GRIN2A: variants seen among roughly 807,000 people sequenced by gnomAD.
GRIN2A encodes glutamate receptor ionotropic, NMDA 2A.
GRIN2A carries 22 observed loss-of-function variants against 113.4 expected under a neutral mutation model. The observed-to-expected ratio is 0.19, with a 90% CI of 0.14 to 0.28. GRIN2A has a LOEUF of 0.28. Among genes scored for constraint, GRIN2A ranks in the 10% least tolerant of loss-of-function variants. GRIN2A has a pLI of 1.00. For synonymous variants in GRIN2A, 827 were observed against 738.4 expected (o/e 1.12, Z -1.94); for missense variants, 1,502 against 1,887.0 (o/e 0.80, Z 3.78).
At chr16:9,867,394 G>A (rs562720079) in intron 4 of GRIN2A, among the ~76,000 whole-genome samples, 4 of 152,194 alleles carry the variant, frequency 2.6e-5, no homozygotes, top group South Asian at 2.1e-4. Context: ...TGATGAATCT[G>A]CCTCTTATTT....
intron 2 of GRIN2A, among the ~76,000 whole-genome samples, chr16:10,075,654 G>A (rs1456247636): frequency 6.6e-6 from 1 of 152,068 alleles, no homozygotes; most frequent in African/African-American, 2.4e-5. Flanking sequence ...TGTCATCCAG[G>A]ACAGTCACCC....
At chr16:9,789,274 T>A (rs964878811) in intron 11 of GRIN2A, among the ~76,000 whole-genome samples, 1 of 152,222 alleles carries the variant, frequency 6.6e-6, no homozygotes, top group Non-Finnish European at 1.5e-5. Flanking sequence ...CTATTTTTTC[T>A]TGGTCGCCCT....
At chr16:10,083,859 T>C (rs2048033468) in intron 2 of GRIN2A, among the ~76,000 whole-genome samples, 1 of 152,184 alleles carries the variant, frequency 6.6e-6, no homozygotes, top group East Asian at 1.9e-4. Context: ...CCCAGAACTT[T>C]GGGAGGCCAA....
In GRIN2A at chr16:9,925,724, G is replaced by A. The variant is rs115932391; in HGVS notation, c.1007+12235C>T. Among the ~76,000 whole-genome samples, 409 of 152,166 alleles carry A rather than the reference G, an allele frequency of 2.7e-3. 2 individuals carry two copies. Among genetic ancestry groups the A allele is most frequent in the African/African-American group, 9.5e-3 (393 of 41,504 alleles). Reference sequence around the variant, plus strand: ...TCATTTCAAATTTTTTGTCCATTTTGGTTGTTTCAGTCTGTAGGGGATATT... The same window carrying A: ...TCATTTCAAATTTTTTGTCCATTTTAGTTGTTTCAGTCTGTAGGGGATATT... On this transcript the variant is annotated intron_variant, in intron 3 of 12. Coordinates refer to ENST00000330684, the MANE Select transcript of GRIN2A (RefSeq NM_001134407.3).
chr16:9,785,348 C>G (rs1197153630), intron 11 of GRIN2A, among the ~76,000 whole-genome samples: 4 of 148,012 alleles, frequency 2.7e-5, no homozygotes, highest in African/African-American at 1.0e-4. Flanking sequence ...GACAAAAAAC[C>G]AAACACCACA....
chr16:9,759,742 A>G lies in GRIN2A; in HGVS notation c.*3407T>C. 8.8e-6 allele frequency: 2 copies of G among 228,448 alleles called. No individual in the cohort carries two copies. The highest frequency in any genetic ancestry group is 1.7e-5 in the Non-Finnish European group (2 of 115,088). 14.2% of individuals were successfully genotyped at this position (228,448 alleles called of 1,614,324 possible). ...GGACATAACAGTAATGAGTGGTGAG[A>G]TTGTGAGATTATAATCCTGCAAGTC... is the stretch of plus-strand genomic sequence containing the variant. On this transcript the variant is annotated 3_prime_UTR_variant, in exon 13 of 13. Transcript: ENST00000330684.
At chr16:9,876,768 A>G (rs2043376006) in intron 4 of GRIN2A, among the ~76,000 whole-genome samples, 1 of 152,196 alleles carries the variant, frequency 6.6e-6, no homozygotes, top group Non-Finnish European at 1.5e-5. Context: ...GGCTGGATGA[A>G]TTACGGTTGG....
chr16:9,918,235 C>G (rs1385791807), intron 3 of GRIN2A, among the ~76,000 whole-genome samples: 1 of 152,156 alleles, frequency 6.6e-6, no homozygotes, highest in Non-Finnish European at 1.5e-5. Context: ...ATTCCAAAGC[C>G]TGTGGATGTA....
At chr16:9,838,759 A>G (rs2042623550) in intron 7 of GRIN2A, among the ~76,000 whole-genome samples, 1 of 152,152 alleles carries the variant, frequency 6.6e-6, no homozygotes, top group African/African-American at 2.4e-5. Flanking sequence ...AGCTTTTTCT[A>G]AGTTTGAGAT....
At position 9,762,588 on chromosome 16, in the gene GRIN2A, G is replaced by A. The variant is rs907329363; in HGVS notation, c.*561C>T. The A allele has an allele frequency of 4.2e-6, 1 of 237,436 alleles. No individual in the cohort carries two copies. The allele number at this position is 237,436 out of a possible 1,614,324, so 14.7% of individuals were successfully genotyped here. A position where few individuals can be genotyped will look rare whatever the true frequency, so the allele number is the denominator to read the frequency against. Reference sequence around the variant, plus strand: ...GGAGTTCTTGGGGTGAGCCTGGGCTGTGATGGAAGGCATAACAAGAAAGCT... The same window carrying A: ...GGAGTTCTTGGGGTGAGCCTGGGCTATGATGGAAGGCATAACAAGAAAGCT... On this transcript the variant is annotated 3_prime_UTR_variant, in exon 13 of 13. Transcript: ENST00000330684.
chr16:10,012,725 A>T (rs2141872834), intron 2 of GRIN2A, among the ~76,000 whole-genome samples: 1 of 152,302 alleles, frequency 6.6e-6, no homozygotes, highest in Non-Finnish European at 1.5e-5. Context: ...GCTGCCTTGG[A>T]AGATGAGGAA....
chr16:9,775,958 A>G (rs1045278041), intron 11 of GRIN2A, among the ~76,000 whole-genome samples: 2 of 152,242 alleles, frequency 1.3e-5, no homozygotes, highest in Non-Finnish European at 2.9e-5. Flanking sequence ...TCCTGGTGAC[A>G]CAGTCACTAT....
At chr16:10,128,768 CA>C (rs1480544760) in intron 2 of GRIN2A, among the ~76,000 whole-genome samples, 1 of 152,174 alleles carries the variant, frequency 6.6e-6, no homozygotes, top group Admixed American at 6.5e-5. Context: ...AAAACAGATG[CA>C]AAGATCCATG....
chr16:10,135,126 G>A (rs1262504813), intron 2 of GRIN2A, among the ~76,000 whole-genome samples: 1 of 152,168 alleles, frequency 6.6e-6, no homozygotes, highest in East Asian at 1.9e-4. Flanking sequence ...GGAGCAAGAA[G>A]AAACCAGGCT....
chr16:9,828,865 T>C (rs963018717), intron 9 of GRIN2A, among the ~76,000 whole-genome samples: 1 of 152,124 alleles, frequency 6.6e-6, no homozygotes, highest in Non-Finnish European at 1.5e-5. Flanking sequence ...AGAAAAAAAC[T>C]CTCTGCTCCT....
At chr16:10,138,449 G>C (rs2049249733) in intron 2 of GRIN2A, among the ~76,000 whole-genome samples, 1 of 152,220 alleles carries the variant, frequency 6.6e-6, no homozygotes, top group South Asian at 2.1e-4. Context: ...CGGAAGGATG[G>C]GGATGGGTAG....
intron 2 of GRIN2A, among the ~76,000 whole-genome samples, chr16:10,176,281 A>C (rs2050147234): frequency 6.6e-6 from 1 of 152,142 alleles, no homozygotes; most frequent in African/African-American, 2.4e-5. Context: ...CTAGGATTAC[A>C]GGTGTGAACC....
chr16:9,946,683 T>C (rs1344821682), intron 2 of GRIN2A, among the ~76,000 whole-genome samples: 1 of 152,218 alleles, frequency 6.6e-6, no homozygotes, highest in Non-Finnish European at 1.5e-5. Context: ...CATTTCCTAA[T>C]CTGATCTAAT....
chr16:10,174,128 T>C (rs1199339080), intron 2 of GRIN2A, among the ~76,000 whole-genome samples: 1 of 152,064 alleles, frequency 6.6e-6, no homozygotes, highest in East Asian at 1.9e-4. Flanking sequence ...AACAGAGGTG[T>C]CAATGTCCAT....
Sources: allele counts gnomAD v4.1 joint callset (sites outside exome capture counted in the v4.1 genomes callset), GRCh38; gene constraint gnomAD v4.1.1; transcripts MANE v1.5; gene names NCBI Gene and HGNC (gene_info 2026-07-23, HGNC 2026-07-21).